Variants in NAA11 observed in about 807,000 individuals in gnomAD.
NAA11 encodes the protein N-alpha-acetyltransferase 11, NatA catalytic subunit.
Under a neutral mutation model 16.1 loss-of-function variants are expected in NAA11, and 15 were observed. The observed-to-expected ratio is 0.93, with a 90% CI of 0.62 to 1.44. The LOEUF is 1.44. Among genes scored for constraint, NAA11 ranks in the 40% most tolerant of loss-of-function variants. The pLI, the probability that NAA11 is intolerant of heterozygous loss-of-function variation, is 0.00. For missense variants in NAA11, 298 were observed against 291.3 expected (o/e 1.02, Z -0.17); for synonymous variants, 122 against 112.4 (o/e 1.09, Z -0.54).
the NAA11 span, among the ~76,000 whole-genome samples, chr4:79,220,080 C>T: frequency 9.8e-5 from 15 of 152,320 alleles, no homozygotes; most frequent in African/African-American, 3.6e-4. Context: ...CTCACTGCTA[C>T]AAGACTGTCA....
intron 2 of NAA11, among the ~76,000 whole-genome samples, chr4:79,267,749 G>A (rs1722385171): frequency 6.6e-6 from 1 of 152,004 alleles, no homozygotes. Flanking sequence ...CTGATGACTG[G>A]GAAATGGCAT....
intron 2 of NAA11, among the ~76,000 whole-genome samples, chr4:79,272,615 T>C (rs1327567778): frequency 1.3e-5 from 2 of 152,038 alleles, no homozygotes; most frequent in African/African-American, 2.4e-5. Flanking sequence ...ATATTTAGGG[T>C]ATGAATTATG....
At chr4:79,208,947 A>AAAAAAAC in the NAA11 span, among the ~76,000 whole-genome samples, 18 of 140,928 alleles carry the variant, frequency 1.3e-4, no homozygotes, top group South Asian at 1.1e-3. Flanking sequence ...AAAAAAAAAA[A>AAAAAAAC]CCCCAAAAAA....
the NAA11 span, among the ~76,000 whole-genome samples, chr4:79,176,760 C>A: frequency 1.3e-5 from 2 of 152,152 alleles, no homozygotes; most frequent in Non-Finnish European, 2.9e-5. Flanking sequence ...AAACAACACC[C>A]ATACTTCAGT....
At chr4:79,180,993 C>T in the NAA11 span, among the ~76,000 whole-genome samples, 1 of 151,998 alleles carries the variant, frequency 6.6e-6, no homozygotes, top group Non-Finnish European at 1.5e-5. Flanking sequence ...AAAAACCAAA[C>T]ACCGCATGTT....
chr4:79,259,434 C>T (rs952222665), intron 2 of NAA11, among the ~76,000 whole-genome samples: 2 of 152,218 alleles, frequency 1.3e-5, no homozygotes, highest in South Asian at 4.1e-4. Context: ...TGCCCTGCTG[C>T]AGCTGCCAGT....
chr4:79,291,601 G>A (rs1723087706), intron 2 of NAA11, among the ~76,000 whole-genome samples: 1 of 152,126 alleles, frequency 6.6e-6, no homozygotes, highest in Non-Finnish European at 1.5e-5. Flanking sequence ...GTGCATGCCT[G>A]TAATCCCAGC....
At chr4:79,309,173 A>C (rs1308774126) in intron 1 of NAA11, among the ~76,000 whole-genome samples, 1 of 152,214 alleles carries the variant, frequency 6.6e-6, no homozygotes. Flanking sequence ...GCCTCTGGCT[A>C]TGCCTCGGGC....
At chr4:79,167,156 G>GTATATATATA in the NAA11 span, among the ~76,000 whole-genome samples, 4 of 39,556 alleles carry the variant, frequency 1.0e-4, no homozygotes, top group African/African-American at 3.8e-4. Flanking sequence ...ATATATATAT[G>GTATATATATA]TATATGGAGA....
At chr4:79,231,736 A>G (rs568175438) in intron 2 of NAA11, among the ~76,000 whole-genome samples, 7 of 151,974 alleles carry the variant, frequency 4.6e-5, no homozygotes, top group African/African-American at 1.7e-4. Flanking sequence ...TATTATTGTC[A>G]AAAATAATGA....
chr4:79,156,562 T>C, the NAA11 span, among the ~76,000 whole-genome samples: 1 of 152,168 alleles, frequency 6.6e-6, no homozygotes. Flanking sequence ...AGGCCTTCAG[T>C]AGATTGGATG....
intron 1 of NAA11, among the ~76,000 whole-genome samples, chr4:79,295,105 C>T (rs572318210): frequency 6.2e-4 from 95 of 152,312 alleles, no homozygotes; most frequent in African/African-American, 2.3e-3. Flanking sequence ...AATTAAGCAT[C>T]TTTCTTCAGG....
At chr4:79,253,723 G>A (rs568761583) in intron 2 of NAA11, among the ~76,000 whole-genome samples, 1 of 152,340 alleles carries the variant, frequency 6.6e-6, no homozygotes, top group South Asian at 2.1e-4. Flanking sequence ...AAAATGGGCA[G>A]TAGTTGTAGG....
chr4:79,323,181 C>T (rs983671909), intron 1 of NAA11, among the ~76,000 whole-genome samples: 6 of 152,092 alleles, frequency 3.9e-5, no homozygotes, highest in Middle Eastern at 3.2e-3. Context: ...AAGTTGCTGC[C>T]TTTCATACAT....
chr4:79,290,979 T>C (rs1452119175), intron 2 of NAA11, among the ~76,000 whole-genome samples: 1 of 152,218 alleles, frequency 6.6e-6, no homozygotes, highest in Admixed American at 6.5e-5. Flanking sequence ...ACAACTAATA[T>C]GTATGTACAA....
chr4:79,321,903 T>C (rs994486462), intron 1 of NAA11, among the ~76,000 whole-genome samples: 8 of 152,186 alleles, frequency 5.3e-5, no homozygotes, highest in African/African-American at 1.9e-4. Flanking sequence ...CTTTTAAAAA[T>C]TTTTCTGCTT....
chr4:79,190,652 G>T, the NAA11 span, among the ~76,000 whole-genome samples: 151,097 of 152,260 alleles, frequency 0.99, 74,982 homozygotes, highest in Middle Eastern at 1. Flanking sequence ...ACACTTTATT[G>T]TTTATTTTTT....
chr4:79,277,886 G>A (rs909607808), intron 2 of NAA11, among the ~76,000 whole-genome samples: 2 of 151,624 alleles, frequency 1.3e-5, no homozygotes, highest in Non-Finnish European at 2.9e-5. Context: ...ATCTGTAAGG[G>A]TGCACCCTTC....
intron 2 of NAA11, chr4:79,245,638 T>A (rs1297266714): frequency 6.4e-6 from 1 of 155,748 alleles, no homozygotes; most frequent in East Asian, 1.9e-4. Context: ...GGCCACCCTG[T>A]CTGGGAAGTG....
Sources: gnomAD v4.1 joint callset for allele counts (sites outside exome capture counted in the v4.1 genomes callset) on GRCh38, gnomAD v4.1.1 for gene constraint, MANE v1.5 for transcripts, NCBI Gene and HGNC (gene_info 2026-07-23, HGNC 2026-07-21) for gene names.